Variants in KIT observed in about 807,000 individuals in gnomAD.
KIT encodes mast/stem cell growth factor receptor Kit.
Under a neutral mutation model 105.7 loss-of-function variants are expected in KIT, and 16 were observed. The ratio of observed to expected loss-of-function variants is 0.15; its 90% CI spans 0.10 to 0.23. The LOEUF is 0.23. Ranked by LOEUF, KIT falls within the 10% of genes least tolerant of loss-of-function variation. The pLI, the probability that KIT is intolerant of heterozygous loss-of-function variation, is 1.00. For synonymous variants in KIT, 438 were observed against 441.1 expected (o/e 0.99, Z 0.09); for missense variants, 858 against 1,213.8 (o/e 0.71, Z 4.36).
At chr4:54,719,221 T>G (rs1026250733) in intron 7 of KIT, among the ~76,000 whole-genome samples, 3 of 152,194 alleles carry the variant, frequency 2.0e-5, no homozygotes, top group Non-Finnish European at 2.9e-5. Context: ...GTGAGAGAAC[T>G]CTAATCAAAA....
chr4:54,689,707 G>T (rs1719558627), intron 1 of KIT, among the ~76,000 whole-genome samples: 1 of 152,172 alleles, frequency 6.6e-6, no homozygotes, highest in East Asian at 1.9e-4. Context: ...AACATTAATT[G>T]CAGTAAAATA....
In KIT at chr4:54,711,952, T is replaced by C. The variant is rs182051861; in HGVS notation, c.1231+2413T>C. 4.2e-3 allele frequency among the ~76,000 whole-genome samples: 623 copies of C among 148,590 alleles called. 8 individuals carry two copies. The highest frequency in any genetic ancestry group is 0.015 in the African/African-American group (597 of 40,360). On this transcript the variant is annotated intron_variant, in intron 7 of 20. Coordinates refer to ENST00000288135, the MANE Select transcript of KIT (RefSeq NM_000222.3). ...TCAAAAAAAAAAAAAAAAAAGATAA[T>C]AGTATATAGAGCTTAGTGTATTACC...
chr4:54,704,387 T>G (rs1720650757), intron 5 of KIT, among the ~76,000 whole-genome samples: 1 of 151,944 alleles, frequency 6.6e-6, no homozygotes. Context: ...CCCTACCTCC[T>G]TATCTCACCT....
chr4:54,675,857 T>TG (rs1718426891), intron 1 of KIT, among the ~76,000 whole-genome samples: 1 of 152,126 alleles, frequency 6.6e-6, no homozygotes, highest in African/African-American at 2.4e-5. Flanking sequence ...GTGCACCAGA[T>TG]TGAGGTCTGA....
chr4:54,658,811 G>T (rs1717013968), intron 1 of KIT, among the ~76,000 whole-genome samples: 2 of 152,192 alleles, frequency 1.3e-5, no homozygotes, highest in African/African-American at 4.8e-5. Flanking sequence ...CAGGGCGTGT[G>T]GAAAGCAGCC....
chr4:54,678,080 A>G (rs927511065), intron 1 of KIT, among the ~76,000 whole-genome samples: 2 of 152,228 alleles, frequency 1.3e-5, no homozygotes, highest in Non-Finnish European at 2.9e-5. Context: ...TGCTAGATTA[A>G]GTGAATGTAA....
At position 54,739,493 on chromosome 4, in the gene KIT, A is replaced by C. The variant is rs1189021324; in HGVS notation, c.*936A>C. The C allele has an allele frequency of 8.6e-6, 2 of 233,442 alleles. No homozygotes were observed. The highest frequency in any genetic ancestry group is 1.7e-5 in the Non-Finnish European group (2 of 117,914). The allele number at this position is 233,442 out of a possible 1,614,324, so 14.5% of individuals were successfully genotyped here. On this transcript the variant is annotated 3_prime_UTR_variant, in exon 21 of 21. Coordinates refer to ENST00000288135, the MANE Select transcript of KIT (RefSeq NM_000222.3). Reference sequence around the variant, plus strand: ...CCTATCAGCTTCAGAATGGCATTGTACTCAATGGATTTGATGCTGTTTGAC... The same window carrying C: ...CCTATCAGCTTCAGAATGGCATTGTCCTCAATGGATTTGATGCTGTTTGAC...
intron 1 of KIT, among the ~76,000 whole-genome samples, chr4:54,681,432 A>G (rs1222205999): frequency 2.0e-5 from 3 of 152,158 alleles, no homozygotes; most frequent in Non-Finnish European, 2.9e-5. Context: ...GACTGACTTC[A>G]TAATGGCAGA....
intron 20 of KIT, 83 bp from the exon 21 acceptor site, chr4:54,738,346 T>A: frequency 1.3e-6 from 2 of 1,516,922 alleles, no homozygotes; most frequent in African/African-American, 1.4e-5. Context: ...CAGTTAGTTG[T>A]GATCTTGACA....
intron 1 of KIT, among the ~76,000 whole-genome samples, chr4:54,691,121 C>T (rs1719678700): frequency 1.3e-5 from 2 of 152,156 alleles, no homozygotes; most frequent in South Asian, 2.1e-4. Context: ...GCAGAATTGA[C>T]ATGGGTCATC....
chr4:54,688,373 C>T (rs1719464777), intron 1 of KIT, among the ~76,000 whole-genome samples: 1 of 152,132 alleles, frequency 6.6e-6, no homozygotes, highest in Non-Finnish European at 1.5e-5. Flanking sequence ...AACTACAATG[C>T]ACAGGCTCTG....
At chr4:54,683,956 G>T (rs1673467519) in intron 1 of KIT, among the ~76,000 whole-genome samples, 1 of 152,172 alleles carries the variant, frequency 6.6e-6, no homozygotes, top group African/African-American at 2.4e-5. Flanking sequence ...TTTGCCCAGA[G>T]ATCACAAAAA....
chr4:54,660,295 C>T (rs925181922), intron 1 of KIT, among the ~76,000 whole-genome samples: 1 of 152,108 alleles, frequency 6.6e-6, no homozygotes, highest in African/African-American at 2.4e-5. Context: ...CCCCCGCCCC[C>T]CAAGTATTAC....
At position 54,692,596 on chromosome 4, in the gene KIT, A is replaced by G. The variant is rs61106566; in HGVS notation, c.68-2916A>G. 6.7e-3 allele frequency among the ~76,000 whole-genome samples: 1,020 copies of G among 152,362 alleles called. 15 individuals are homozygous for G. The highest frequency in any genetic ancestry group is 0.023 in the African/African-American group (965 of 41,580). On this transcript the variant is annotated intron_variant, in intron 1 of 20. Transcript: ENST00000288135. ...ATATTGGGTCAAATTTGCTATCAAT[A>G]TCATGCACATTCATTGGGAACTGTT...
At chr4:54,734,476 C>A (rs945659938) in intron 17 of KIT, among the ~76,000 whole-genome samples, 5 of 152,132 alleles carry the variant, frequency 3.3e-5, no homozygotes, top group Non-Finnish European at 7.4e-5. Flanking sequence ...TCTAAATAAT[C>A]GTGACGGTGG....
At chr4:54,686,757 C>T (rs1369379211) in intron 1 of KIT, among the ~76,000 whole-genome samples, 2 of 152,208 alleles carry the variant, frequency 1.3e-5, no homozygotes, top group Admixed American at 1.3e-4. Context: ...ACTGCCTAGG[C>T]TGGTCTGTAA....
intron 13 of KIT, 171 bp from the exon 14 acceptor site, chr4:54,729,164 G>C (rs117422050): frequency 1.5e-6 from 1 of 662,566 alleles, no homozygotes; most frequent in African/African-American, 1.8e-5. Context: ...CTCCACATAA[G>C]GCTGCTTTTT....
intron 5 of KIT, among the ~76,000 whole-genome samples, chr4:54,705,432 G>C (rs928714982): frequency 6.6e-6 from 1 of 152,130 alleles, no homozygotes; most frequent in African/African-American, 2.4e-5. Flanking sequence ...CTTTTTTTAA[G>C]AAATTACTTT....
chr4:54,729,225 C>A, intron 13 of KIT, 110 bp from the exon 14 acceptor site: 1 of 1,118,510 alleles, frequency 8.9e-7, no homozygotes. Flanking sequence ...GTAGTCTGAT[C>A]CACTGAAGCT....
Sources: allele counts gnomAD v4.1 joint callset (sites outside exome capture counted in the v4.1 genomes callset), GRCh38; gene constraint gnomAD v4.1.1; transcripts MANE v1.5; gene names NCBI Gene and HGNC (gene_info 2026-07-23, HGNC 2026-07-21).